PTPRD: variants seen among roughly 807,000 people sequenced by gnomAD.
PTPRD encodes the protein protein tyrosine phosphatase receptor type D.
Under a neutral mutation model 214.5 loss-of-function variants are expected in PTPRD, and 34 were observed. That is an observed-to-expected ratio of 0.16 (90% CI 0.12 to 0.21). The LOEUF (loss-of-function observed/expected upper bound fraction) is 0.21. PTPRD is among the 10% of genes least tolerant of loss of function. The pLI, the probability that PTPRD is intolerant of heterozygous loss-of-function variation, is 1.00. For missense variants in PTPRD, 2,545 were observed against 2,398.7 expected (o/e 1.06, Z -1.27); for synonymous variants, 1,128 against 845.7 (o/e 1.33, Z -5.79).
intron 2 of PTPRD, among the ~76,000 whole-genome samples, chr9:10,542,166 G>A (rs1012900555): frequency 6.6e-6 from 1 of 152,012 alleles, no homozygotes; most frequent in Non-Finnish European, 1.5e-5. Flanking sequence ...CAGTTATAAT[G>A]ACAAATTTTA....
At chr9:8,972,120 C>T (rs1429169212) in intron 11 of PTPRD, among the ~76,000 whole-genome samples, 1 of 151,842 alleles carries the variant, frequency 6.6e-6, no homozygotes, top group Non-Finnish European at 1.5e-5. Context: ...AGCATTACCT[C>T]ACCCAATGAC....
intron 12 of PTPRD, among the ~76,000 whole-genome samples, chr9:8,690,117 A>G (rs1339351682): frequency 1.3e-5 from 2 of 151,934 alleles, no homozygotes; most frequent in African/African-American, 4.8e-5. Flanking sequence ...TAAAAAAAAA[A>G]AAAAAAGAAA....
At chr9:9,461,948 T>C (rs2093697333) in intron 8 of PTPRD, among the ~76,000 whole-genome samples, 1 of 152,160 alleles carries the variant, frequency 6.6e-6, no homozygotes, top group Admixed American at 6.5e-5. Flanking sequence ...TCTACCTTAT[T>C]CCTCCTTCCT....
chr9:8,831,974 A>G (rs759846429), intron 11 of PTPRD, among the ~76,000 whole-genome samples: 2 of 152,116 alleles, frequency 1.3e-5, no homozygotes, highest in African/African-American at 2.4e-5. Context: ...CTACTTTAGT[A>G]GTGTCCAGGA....
At position 8,811,289 on chromosome 9, in the gene PTPRD, C is replaced by G. The variant is rs887099033; in HGVS notation, c.-103-77343G>C. 2.6e-5 allele frequency among the ~76,000 whole-genome samples: 4 copies of G among 152,210 alleles called. No individual in the cohort carries two copies. In the East Asian group the frequency reaches 7.8e-4, roughly 30 times the overall value. On this transcript the variant is annotated intron_variant, in intron 11 of 45. Transcript: ENST00000381196. ...ACAGTAAAGCTCAACATTCTACCAC[C>G]AAGATGCTGGCATTTATACCACTCA...
intron 35 of PTPRD, among the ~76,000 whole-genome samples, chr9:8,429,153 G>C (rs1340250741): frequency 1.3e-5 from 2 of 152,144 alleles, no homozygotes; most frequent in African/African-American, 2.4e-5. Context: ...TCAATATTTT[G>C]ATCTAGTTTG....
At chr9:8,924,367 A>G (rs1294959329) in intron 11 of PTPRD, among the ~76,000 whole-genome samples, 1 of 152,216 alleles carries the variant, frequency 6.6e-6, no homozygotes, top group Admixed American at 6.5e-5. Context: ...GGTAGGAAGA[A>G]AAATACAAAA....
chr9:8,890,865 G>A (rs537537820), intron 11 of PTPRD, among the ~76,000 whole-genome samples: 7 of 152,242 alleles, frequency 4.6e-5, no homozygotes, highest in African/African-American at 1.7e-4. Flanking sequence ...AAATGAGGGC[G>A]TGAGAAGGCC....
At chr9:8,508,067 A>G (rs1425549005) in intron 21 of PTPRD, among the ~76,000 whole-genome samples, 1 of 152,222 alleles carries the variant, frequency 6.6e-6, no homozygotes, top group East Asian at 1.9e-4. Flanking sequence ...TAAATTATTT[A>G]AAGAACTACA....
chr9:10,016,291 A>C (rs2096710631), intron 4 of PTPRD, among the ~76,000 whole-genome samples: 1 of 152,112 alleles, frequency 6.6e-6, no homozygotes, highest in Admixed American at 6.6e-5. Flanking sequence ...TACAGTAGTG[A>C]GTTATAACTA....
chr9:9,964,468 G>A lies in PTPRD; in HGVS notation c.-471-25858C>T, dbSNP rs189095514. 4.6e-5 allele frequency among the ~76,000 whole-genome samples: 7 copies of A among 152,226 alleles called. No individual in the cohort carries two copies. The East Asian group carries it at 1.2e-3, about 25-fold the overall frequency. On this transcript the variant is annotated intron_variant, in intron 4 of 45. Coordinates refer to ENST00000381196, the MANE Select transcript of PTPRD (RefSeq NM_002839.4). ...AGGATGCAGAGTAAAATCTAAAGAA[G>A]CTTAGCAGGATAGGACAATAGTTTC... is the stretch of plus-strand genomic sequence containing the variant.
At chr9:9,346,552 C>A (rs1569567565) in intron 9 of PTPRD, among the ~76,000 whole-genome samples, 1 of 152,132 alleles carries the variant, frequency 6.6e-6, no homozygotes, top group Non-Finnish European at 1.5e-5. Context: ...AAGCCACTTA[C>A]AAATGTCCAG....
chr9:9,539,467 TC>T (rs1471487554), intron 8 of PTPRD, among the ~76,000 whole-genome samples: 4 of 151,892 alleles, frequency 2.6e-5, no homozygotes, highest in Admixed American at 2.0e-4. Context: ...CATGAGCTGA[TC>T]TTTGGGGGTC....
chr9:9,361,407 T>C (rs899707350), intron 9 of PTPRD, among the ~76,000 whole-genome samples: 5 of 151,080 alleles, frequency 3.3e-5, no homozygotes, highest in African/African-American at 1.2e-4. Flanking sequence ...ATTATCTTAG[T>C]GTCCTATATT....
chr9:8,548,595 T>G (rs1203056865), intron 14 of PTPRD, among the ~76,000 whole-genome samples: 1 of 150,350 alleles, frequency 6.7e-6, no homozygotes, highest in East Asian at 2.0e-4. Flanking sequence ...CTCGAACTCC[T>G]GACCTCAAGT....
intron 11 of PTPRD, among the ~76,000 whole-genome samples, chr9:8,770,488 A>T (rs975714162): frequency 6.6e-6 from 1 of 152,142 alleles, no homozygotes; most frequent in African/African-American, 2.4e-5. Context: ...CTCTCATTAA[A>T]TATACTCTCT....
chr9:10,233,985 G>A (rs890542550), intron 3 of PTPRD, among the ~76,000 whole-genome samples: 2 of 151,716 alleles, frequency 1.3e-5, no homozygotes, highest in African/African-American at 4.8e-5. Flanking sequence ...AAAGCAAGAT[G>A]ATCACGCCTG....
At chr9:8,379,977 A>T (rs1044479763) in intron 37 of PTPRD, among the ~76,000 whole-genome samples, 1 of 152,048 alleles carries the variant, frequency 6.6e-6, no homozygotes, top group Non-Finnish European at 1.5e-5. Flanking sequence ...TATTGTGGGG[A>T]TTGAAGTGAT....
chr9:10,170,151 C>A (rs1223718913), intron 3 of PTPRD, among the ~76,000 whole-genome samples: 1 of 152,084 alleles, frequency 6.6e-6, no homozygotes, highest in African/African-American at 2.4e-5. Flanking sequence ...CACATGCAGG[C>A]AGCACTGGAC....
Sources: allele counts gnomAD v4.1 joint callset (sites outside exome capture counted in the v4.1 genomes callset), GRCh38; gene constraint gnomAD v4.1.1; transcripts MANE v1.5; gene names NCBI Gene and HGNC (gene_info 2026-07-23, HGNC 2026-07-21).